The following MYO9A variants were observed in gnomAD, a reference collection of about 807,000 sequenced individuals.
MYO9A encodes the protein myosin IXA, also known as unconventional myosin-IXa.
Under a neutral mutation model 293.3 loss-of-function variants are expected in MYO9A, and 103 were observed. The observed-to-expected ratio is 0.35, with a 90% CI of 0.30 to 0.41. The LOEUF (loss-of-function observed/expected upper bound fraction) is 0.41, where lower values mean the gene tolerates loss of function less well. MYO9A is among the 10% of genes least tolerant of loss of function. MYO9A has a pLI of 1.00. For missense variants in MYO9A, 2,685 were observed against 3,033.0 expected (o/e 0.89, Z 2.69); for synonymous variants, 1,001 against 1,035.7 (o/e 0.97, Z 0.64).
intron 8 of MYO9A, among the ~76,000 whole-genome samples, chr15:72,002,246 A>T (rs1266167709): frequency 2.1e-5 from 3 of 140,146 alleles, no homozygotes; most frequent in Admixed American, 1.4e-4. Context: ...TGACCAGCTA[A>T]TTTTTTTTTT....
chr15:71,857,349 A>G (rs1187899829), intron 34 of MYO9A, among the ~76,000 whole-genome samples: 1 of 152,156 alleles, frequency 6.6e-6, no homozygotes, highest in African/African-American at 2.4e-5. Context: ...ACTAACTTCA[A>G]TGTGTATTTT....
chr15:71,840,601 C>A (rs762739805), intron 39 of MYO9A, among the ~76,000 whole-genome samples: 1 of 152,086 alleles, frequency 6.6e-6, no homozygotes, highest in African/African-American at 2.4e-5. Flanking sequence ...TTTAAGTCTT[C>A]TTTTGTAATA....
rs117479902 is a variant in MYO9A, at chr15:71,994,782, G to C, written c.1471-197C>G. On this transcript the variant is annotated intron_variant, in intron 9 of 41. Coordinates refer to ENST00000356056, the MANE Select transcript of MYO9A (RefSeq NM_006901.4). ...AGTTTGGCTCTCATTGGCCACGCTGGAATGCAATGGTGCAATCTCGGCTCA... is the reference window on the plus strand; with the variant it reads ...AGTTTGGCTCTCATTGGCCACGCTGCAATGCAATGGTGCAATCTCGGCTCA... 4.8e-3 allele frequency among the ~76,000 whole-genome samples: 727 copies of C among 152,332 alleles called. 6 individuals carry two copies. Among genetic ancestry groups the C allele is most frequent in the Non-Finnish European group, 7.3e-3 (496 of 68,036 alleles).
chr15:71,997,606 T>A (rs1019404157), intron 9 of MYO9A, among the ~76,000 whole-genome samples: 3 of 150,456 alleles, frequency 2.0e-5, no homozygotes, highest in Non-Finnish European at 3.0e-5. Flanking sequence ...TCAAAAAAAA[T>A]AAATGAATAC....
In MYO9A at chr15:71,900,011, G is replaced by GGGGAAGACAAAATAACA; in HGVS notation, c.3151-22_3151-6dup. 1 of 1,593,192 alleles carries GGGGAAGACAAAATAACA rather than the reference G, an allele frequency of 6.3e-7. No homozygotes were observed. The highest frequency in any genetic ancestry group is 8.6e-7 in the Non-Finnish European group (1 of 1,166,774). On this transcript the variant is annotated splice_region_variant and splice_polypyrimidine_tract_variant and intron_variant, in intron 23 of 41. Coordinates refer to ENST00000356056, the MANE Select transcript of MYO9A (RefSeq NM_006901.4). Reference sequence around the variant, plus strand: ...TAGGTAATTCCTCCAGAATCTCTATGGGGAAGACAAAATAACAGAAACTGG... The same window carrying GGGGAAGACAAAATAACA: ...TAGGTAATTCCTCCAGAATCTCTATGGGGAAGACAAAATAACAGGGAAGACAAAATAACAGAAACTGG...
intron 1 of MYO9A, among the ~76,000 whole-genome samples, chr15:72,112,295 T>C (rs1291540456): frequency 1.3e-5 from 2 of 152,192 alleles, no homozygotes; most frequent in Non-Finnish European, 2.9e-5. Flanking sequence ...CATTCCTCAC[T>C]GTACATGTAA....
intron 39 of MYO9A, among the ~76,000 whole-genome samples, chr15:71,840,626 G>GCTTT (rs111734371): frequency 0.027 from 4,101 of 151,908 alleles, 127 homozygotes; most frequent in African/African-American, 0.07. Flanking sequence ...AGGTTTTAAG[G>GCTTT]CTTTCTTTTT....
In MYO9A at chr15:71,824,289, T is replaced by C. The variant is rs1377287632; in HGVS notation, c.*2291A>G. 1 of 152,192 alleles carries C rather than the reference T, an allele frequency of 6.6e-6. No individual in the cohort carries two copies. The highest frequency in any genetic ancestry group is 1.5e-5 in the Non-Finnish European group (1 of 68,036). 9.4% of individuals were successfully genotyped at this position (152,192 alleles called of 1,614,324 possible). A position where few individuals can be genotyped will look rare whatever the true frequency, so the allele number is the denominator to read the frequency against. On this transcript the variant is annotated 3_prime_UTR_variant, in exon 42 of 42. Coordinates refer to ENST00000356056, the MANE Select transcript of MYO9A (RefSeq NM_006901.4). Reference sequence around the variant, plus strand: ...CTTAACATCCATCACCTAGTTCCTTTAAAGTGACCTACATCAGTCGTTTTT... The same window carrying C: ...CTTAACATCCATCACCTAGTTCCTTCAAAGTGACCTACATCAGTCGTTTTT...
intron 32 of MYO9A, among the ~76,000 whole-genome samples, chr15:71,875,483 T>C (rs538121284): frequency 6.6e-6 from 1 of 152,308 alleles, no homozygotes; most frequent in South Asian, 2.1e-4. Flanking sequence ...AAATAACCCC[T>C]GTTTTCTTTA....
At chr15:72,050,656 T>A (rs535194132) in intron 1 of MYO9A, among the ~76,000 whole-genome samples, 3 of 151,818 alleles carry the variant, frequency 2.0e-5, no homozygotes, top group East Asian at 3.9e-4. Context: ...AATTTTTTTT[T>A]AAATGTACAT....
intron 2 of MYO9A, among the ~76,000 whole-genome samples, chr15:72,037,911 C>CTT (rs918016153): frequency 2.5e-4 from 35 of 139,992 alleles, no homozygotes; most frequent in African/African-American, 3.7e-4. Flanking sequence ...AGACTATCAG[C>CTT]TTTTTTTTTT....
intron 27 of MYO9A, among the ~76,000 whole-genome samples, chr15:71,885,788 T>C (rs1038670407): frequency 1.3e-5 from 2 of 152,136 alleles, no homozygotes; most frequent in Non-Finnish European, 2.9e-5. Context: ...GTTTTCTCGG[T>C]TCTATCTTTC....
chr15:71,872,720 T>C (rs909806574), intron 32 of MYO9A, among the ~76,000 whole-genome samples: 3 of 152,196 alleles, frequency 2.0e-5, no homozygotes, highest in Non-Finnish European at 4.4e-5. Flanking sequence ...TTCCTCTTTA[T>C]AGAAATAATC....
chr15:71,891,402 GA>G (rs2057173843), intron 26 of MYO9A: 1 of 152,150 alleles, frequency 6.6e-6, no homozygotes, highest in Admixed American at 6.5e-5. Flanking sequence ...TGTTACAAAG[GA>G]AACTCTCAGA....
chr15:72,036,477 C>T (rs1265969510), intron 2 of MYO9A: 3 of 152,092 alleles, frequency 2.0e-5, no homozygotes, highest in African/African-American at 7.2e-5. Context: ...GAAAATCAGG[C>T]ATTTTAACTT....
chr15:72,053,080 G>A (rs979814339), intron 1 of MYO9A, among the ~76,000 whole-genome samples: 2 of 152,170 alleles, frequency 1.3e-5, no homozygotes, highest in African/African-American at 4.8e-5. Flanking sequence ...TCTGCTGACG[G>A]TTGTTCTAGG....
intron 33 of MYO9A, 86 bp from the exon 34 acceptor site, chr15:71,859,882 A>G: frequency 8.4e-7 from 1 of 1,189,354 alleles, no homozygotes; most frequent in Non-Finnish European, 1.2e-6. Flanking sequence ...TTTTAGACCT[A>G]CGTTTTTTTC....
At chr15:71,843,809 C>G (rs1322203074) in intron 39 of MYO9A, among the ~76,000 whole-genome samples, 1 of 152,090 alleles carries the variant, frequency 6.6e-6, no homozygotes, top group Non-Finnish European at 1.5e-5. Flanking sequence ...TGAAGACGAC[C>G]CAGGAGGAAA....
At chr15:72,089,103 C>T (rs1313770785) in intron 1 of MYO9A, among the ~76,000 whole-genome samples, 1 of 152,182 alleles carries the variant, frequency 6.6e-6, no homozygotes, top group African/African-American at 2.4e-5. Context: ...CTTCAAAATA[C>T]TCATCAAATG....
Sources: allele counts gnomAD v4.1 joint callset (sites outside exome capture counted in the v4.1 genomes callset), GRCh38; gene constraint gnomAD v4.1.1; transcripts MANE v1.5; gene names NCBI Gene and HGNC (gene_info 2026-07-23, HGNC 2026-07-21).